ABCA4: variants seen among roughly 807,000 people sequenced by gnomAD.
The protein encoded by ABCA4 is retinal-specific phospholipid-transporting ATPase ABCA4.
In ABCA4, 196 loss-of-function variants were observed where a neutral mutation model predicts 263.7. That is an observed-to-expected ratio of 0.74 (90% CI 0.66 to 0.84). The LOEUF is 0.84. ABCA4 is among the 40% of genes least tolerant of loss of function. The pLI is 0.00. For missense variants in ABCA4, 2,792 were observed against 2,855.1 expected, an observed-to-expected ratio of 0.98 and a Z score of 0.50; for synonymous variants, 1,133 against 1,094.2, an observed-to-expected ratio of 1.04 and a Z score of -0.70.
intron 5 of ABCA4, among the ~76,000 whole-genome samples, chr1:94,101,917 C>G (rs1662296663): frequency 6.6e-6 from 1 of 152,206 alleles, no homozygotes; most frequent in South Asian, 2.1e-4. Flanking sequence ...GGAGTGGGCC[C>G]TGATAATTTG....
At chr1:94,036,846 C>G (rs1660351368) in intron 25 of ABCA4, 58 bp from the exon 26 acceptor site, 4 of 1,543,824 alleles carry the variant, frequency 2.6e-6, no homozygotes, top group African/African-American at 1.4e-5. Context: ...TCAGAAAAAT[C>G]TAACCCAAGC....
chr1:94,086,051 C>T (rs1167143515), intron 6 of ABCA4, among the ~76,000 whole-genome samples: 1 of 152,166 alleles, frequency 6.6e-6, no homozygotes, highest in Non-Finnish European at 1.5e-5. Context: ...CATCTATCTC[C>T]CCTGTAAGAC....
Position 94,037,276 on chromosome 1 carries a change from C to T in ABCA4, c.3682G>A (p.Glu1228Lys). 6.2e-7 allele frequency: 1 copy of T among 1,614,234 alleles called. No homozygotes were observed. The highest frequency in any genetic ancestry group is 2.2e-5 in the East Asian group (1 of 44,886). ...EAKLVECIGQ[E>K]LIFLLPNKNF... ...TTATTTGGAAGAAGGAAGATAAGTT[C>T]TTGACCAATGCACTCCACCAGCTTT... Residue 1228 changes from glutamate (E) to lysine (K), a missense_variant, in exon 25 of 50, where the codon GAA becomes AAA. Physicochemically the swap from Glu to Lys is moderately conservative, Grantham distance 56. Coordinates refer to ENST00000370225, the MANE Select transcript of ABCA4 (RefSeq NM_000350.3).
chr1:94,064,419 G>C (rs980106251), intron 11 of ABCA4, among the ~76,000 whole-genome samples: 7 of 152,188 alleles, frequency 4.6e-5, no homozygotes, highest in Non-Finnish European at 1.0e-4. Flanking sequence ...TGGAGGAAGA[G>C]CCTCCTGAGT....
intron 6 of ABCA4, among the ~76,000 whole-genome samples, chr1:94,086,064 TATGCTCC>T (rs1411607428): frequency 5.3e-5 from 8 of 152,232 alleles, no homozygotes; most frequent in Non-Finnish European, 1.0e-4. Flanking sequence ...TGTAAGACTC[TATGCTCC>T]ATGTAGACAG....
chr1:94,008,442 G>T (rs768588815), intron 41 of ABCA4, 145 bp from the exon 42 acceptor site: 16 of 862,796 alleles, frequency 1.9e-5, no homozygotes, highest in Non-Finnish European at 2.9e-5. Context: ...ACAGAGGTGT[G>T]GTGAGTACTG....
intron 29 of ABCA4, among the ~76,000 whole-genome samples, 172 bp from the exon 30 acceptor site, chr1:94,029,803 G>T (rs894147839): frequency 2.0e-5 from 3 of 152,286 alleles, no homozygotes; most frequent in Middle Eastern, 3.4e-3. Flanking sequence ...AGGGTTTTGT[G>T]ACTGACTAGG....
intron 10 of ABCA4, 138 bp downstream of exon 10, chr1:94,078,452 C>T (rs574837055): frequency 4.3e-6 from 3 of 693,126 alleles, no homozygotes; most frequent in East Asian, 2.6e-5. Flanking sequence ...GGAATGAAGG[C>T]CTTTGGGGCC....
chr1:94,032,899 T>C (rs1660244107), intron 26 of ABCA4, among the ~76,000 whole-genome samples: 1 of 152,204 alleles, frequency 6.6e-6, no homozygotes, highest in African/African-American at 2.4e-5. Flanking sequence ...TTGTGTATTA[T>C]ATGAATTTTT....
At chr1:94,081,688 A>G (rs1661706605) in intron 7 of ABCA4, among the ~76,000 whole-genome samples, 1 of 152,136 alleles carries the variant, frequency 6.6e-6, no homozygotes, top group Non-Finnish European at 1.5e-5. Flanking sequence ...CCATTCCTGG[A>G]AAAACACTTT....
At chr1:94,082,247 G>A (rs188475493) in intron 7 of ABCA4, among the ~76,000 whole-genome samples, 161 of 152,260 alleles carry the variant, frequency 1.1e-3, no homozygotes, top group African/African-American at 3.7e-3. Flanking sequence ...AGATGAAGGG[G>A]CTGTTCTCAG....
chr1:94,035,068 C>A (rs1221596520), intron 26 of ABCA4, among the ~76,000 whole-genome samples: 1 of 152,210 alleles, frequency 6.6e-6, no homozygotes, highest in African/African-American at 2.4e-5. Context: ...ACTCCAGAGG[C>A]TACACTCTTA....
intron 16 of ABCA4, 52 bp from the exon 17 acceptor site, chr1:94,051,750 A>G (rs917992240): frequency 3.7e-6 from 5 of 1,343,452 alleles, no homozygotes; most frequent in Non-Finnish European, 5.3e-6. Context: ...TCCCTATCCT[A>G]CCTTACCGCA....
At chr1:94,078,804 G>A in intron 9 of ABCA4, 98 bp from the exon 10 acceptor site, 1 of 867,992 alleles carries the variant, frequency 1.2e-6, no homozygotes, top group Non-Finnish European at 2.0e-6. Context: ...CTTAGTGTTA[G>A]GGAAAGGCTT....
At position 93,996,153 on chromosome 1, in the gene ABCA4, G is replaced by C. The variant is rs757212387; in HGVS notation, c.6772C>G (p.Leu2258Val). Reference protein sequence around the residue: ...FAKQQTESHDLPLHPRAAGAS... With the variant: ...FAKQQTESHDVPLHPRAAGAS... Reference sequence around the variant, plus strand: ...CCAGCAGCTCGAGGGTGCAGAGGGAGGTCATGACTTTCAGTCTGCTGTTTA... The same window carrying C: ...CCAGCAGCTCGAGGGTGCAGAGGGACGTCATGACTTTCAGTCTGCTGTTTA... Residue 2258 changes from leucine to valine, a missense_variant, in exon 49 of 50, where the codon CTC (leucine) becomes GTC (valine). Physicochemically the swap from Leu to Val is conservative, Grantham distance 32 (BLOSUM62 1). Transcript: ENST00000370225. 1 of 1,614,034 alleles carries C rather than the reference G, an allele frequency of 6.2e-7. No homozygotes were observed. Among genetic ancestry groups the C allele is most frequent in the East Asian group, 2.2e-5 (1 of 44,880 alleles).
At position 94,014,542 on chromosome 1, in the gene ABCA4, C is replaced by A. The variant is rs61753030; in HGVS notation, c.5460+1G>T. ...AAAAAAGCCAAGAAAGTTATGCTCA[C>A]CCGGTTATTCTCAAATAATTCCAAG... On this transcript the variant is annotated splice_donor_variant, in intron 38 of 49. Transcript: ENST00000370225. LOFTEE classifies it high-confidence loss of function. The A allele has an allele frequency of 6.2e-7, 1 of 1,614,098 alleles. No homozygotes were observed. Among genetic ancestry groups the A allele is most frequent in the African/African-American group, 1.3e-5 (1 of 74,926 alleles).
At position 94,008,775 on chromosome 1, in the gene ABCA4, G is replaced by A. The variant is rs759451313; in HGVS notation, c.5811C>T (p.Ile1937=). 1.9e-6 allele frequency: 3 copies of A among 1,613,842 alleles called. No individual in the cohort carries two copies. Among genetic ancestry groups the A allele is most frequent in the Non-Finnish European group, 2.5e-6 (3 of 1,179,998 alleles). The change falls in exon 41 of 50, where the codon ATC becomes ATT. Residue 1937 remains isoleucine, a synonymous_variant. Transcript: ENST00000370225. The part of the protein sequence containing the change: ...RIITGGNKTD[I]LRLHELTKIY... ...CCTTGGTTAGTTCATGTAGCCTTAA[G>A]ATGTCAGTTTTATTTCCACCAGTAA...
At position 93,993,231 on chromosome 1, in the gene ABCA4, G is replaced by A. The variant is rs1658918250; in HGVS notation, c.*6C>T. The A allele has an allele frequency of 1.2e-6, 2 of 1,613,868 alleles. No homozygotes were observed. Among genetic ancestry groups the A allele is most frequent in the Non-Finnish European group, 8.5e-7 (1 of 1,179,858 alleles). Reference sequence around the variant, plus strand: ...TTCTGGCTGCAGGAACGAGCGGTGTGAAAGATCAGTCCTGTGGAAGGAGAT... The same window carrying A: ...TTCTGGCTGCAGGAACGAGCGGTGTAAAAGATCAGTCCTGTGGAAGGAGAT... On this transcript the variant is annotated 3_prime_UTR_variant, in exon 50 of 50. Transcript: ENST00000370225.
At chr1:94,047,822 G>A (rs1660728631) in intron 18 of ABCA4, among the ~76,000 whole-genome samples, 1 of 152,030 alleles carries the variant, frequency 6.6e-6, no homozygotes, top group South Asian at 2.1e-4. Context: ...CCCCTCCAGT[G>A]CAGACCCTCA....
Sources: allele counts gnomAD v4.1 joint callset (sites outside exome capture counted in the v4.1 genomes callset), GRCh38; gene constraint gnomAD v4.1.1; transcripts MANE v1.5; gene names NCBI Gene and HGNC (gene_info 2026-07-23, HGNC 2026-07-21).